The following SWT1 variants were observed in gnomAD, a reference collection of about 807,000 sequenced individuals.
SWT1 encodes the protein SWT1 RNA endoribonuclease homolog.
A neutral mutation model predicts 107.3 loss-of-function variants in SWT1; 33 were observed. The ratio of observed to expected loss-of-function variants is 0.31; its 90% CI spans 0.23 to 0.41. SWT1 has a LOEUF of 0.41. SWT1 is among the 10% of genes least tolerant of loss of function. The probability of loss-of-function intolerance (pLI) is 1.00; values close to 1 mark genes in which losing one functional copy is unlikely to be tolerated. For missense variants in SWT1, 898 were observed against 1,028.9 expected (o/e 0.87, Z 1.74); for synonymous variants, 345 against 348.3 (o/e 0.99, Z 0.11).
At chr1:185,159,221 G>A (rs1359588811) in intron 1 of SWT1, among the ~76,000 whole-genome samples, 1 of 152,190 alleles carries the variant, frequency 6.6e-6, no homozygotes, top group Non-Finnish European at 1.5e-5. Flanking sequence ...TACATTAAGT[G>A]CATGATTACC....
At chr1:185,238,377 T>G (rs1284497472) in intron 16 of SWT1, among the ~76,000 whole-genome samples, 1 of 152,200 alleles carries the variant, frequency 6.6e-6, no homozygotes, top group East Asian at 1.9e-4. Flanking sequence ...GTTACTATTG[T>G]GCTTTGAGAG....
intron 18 of SWT1, among the ~76,000 whole-genome samples, chr1:185,287,357 C>T (rs1052873387): frequency 6.6e-6 from 1 of 152,074 alleles, no homozygotes; most frequent in Non-Finnish European, 1.5e-5. Context: ...TCTCATGAAT[C>T]GCAGAACCAG....
intron 15 of SWT1, among the ~76,000 whole-genome samples, chr1:185,225,265 A>C (rs907831383): frequency 7.9e-5 from 12 of 152,164 alleles, no homozygotes; most frequent in African/African-American, 2.7e-4. Context: ...CCTGAGATGG[A>C]TCCCACTTGA....
Position 185,196,555 on chromosome 1 carries a change from A to C in SWT1, c.1523+5913A>C, listed in dbSNP as rs115182448. Among the ~76,000 whole-genome samples, 655 of 152,342 alleles carry C rather than the reference A, an allele frequency of 4.3e-3. 6 individuals carry two copies. Among genetic ancestry groups the C allele is most frequent in the African/African-American group, 0.015 (622 of 41,588 alleles). On this transcript the variant is annotated intron_variant, in intron 10 of 18. Coordinates refer to ENST00000367500, the MANE Select transcript of SWT1 (RefSeq NM_017673.7). ...TGGTAGCTTGATCAGGATAGCATTG[A>C]ATCAATAAATTACTTTGGGCATTGT...
intron 18 of SWT1, among the ~76,000 whole-genome samples, chr1:185,286,479 C>T (rs1664956127): frequency 6.6e-6 from 1 of 152,114 alleles, no homozygotes; most frequent in South Asian, 2.1e-4. Context: ...CCGCCTCAGC[C>T]TCCCAAAGTG....
At chr1:185,285,573 C>T (rs1343057809) in intron 18 of SWT1, among the ~76,000 whole-genome samples, 1 of 152,048 alleles carries the variant, frequency 6.6e-6, no homozygotes, top group Non-Finnish European at 1.5e-5. Context: ...TCTTGCATTG[C>T]CCATGCTTTT....
chr1:185,283,845 C>T (rs1664791210), intron 18 of SWT1, among the ~76,000 whole-genome samples: 1 of 152,182 alleles, frequency 6.6e-6, no homozygotes, highest in African/African-American at 2.4e-5. Context: ...CCATCACACA[C>T]ACACATATAT....
At chr1:185,233,948 G>A (rs762998272) in intron 16 of SWT1, among the ~76,000 whole-genome samples, 4 of 152,110 alleles carry the variant, frequency 2.6e-5, no homozygotes, top group African/African-American at 9.7e-5. Flanking sequence ...GTTTCACCAT[G>A]TTAGCAAGGA....
chr1:185,227,287 G>T, intron 15 of SWT1: 3 of 749,346 alleles, frequency 4.0e-6, no homozygotes, highest in South Asian at 2.7e-5. Flanking sequence ...GCACCTGGCT[G>T]ACCATCGGTG....
rs772680682 is a variant in SWT1, at chr1:185,166,620, A to G, written c.133A>G (p.Ile45Val). 15 of 1,604,698 alleles carry G rather than the reference A, an allele frequency of 9.3e-6. No individual in the cohort carries two copies. Among genetic ancestry groups the G allele is most frequent in the African/African-American group, 1.3e-5 (1 of 74,516 alleles). Residue 45 changes from isoleucine to valine, a missense_variant, in exon 3 of 19, where the codon ATA becomes GTA. Physicochemically the swap from Ile to Val is conservative, Grantham distance 29. Transcript: ENST00000367500. ...AGCAAGTTCTACTAGTTCATCTTCT[A>G]TAAGATCAGTTTCATCAGAAAAGAG... ...TPASSTSSSS[I>V]RSVSSEKRKL...
At chr1:185,232,305 G>A (rs938652268) in intron 16 of SWT1, among the ~76,000 whole-genome samples, 1 of 152,056 alleles carries the variant, frequency 6.6e-6, no homozygotes, top group African/African-American at 2.4e-5. Flanking sequence ...GGCTCCATAA[G>A]GGTGAACTAT....
chr1:185,162,765 A>G (rs1022007291), intron 2 of SWT1, among the ~76,000 whole-genome samples: 2 of 152,096 alleles, frequency 1.3e-5, no homozygotes, highest in South Asian at 4.1e-4. Context: ...ACATATAAAA[A>G]TTATGTTTAT....
intron 1 of SWT1, 132 bp from the exon 2 acceptor site, chr1:185,160,700 TC>T: frequency 1.6e-6 from 1 of 641,610 alleles, no homozygotes; most frequent in Non-Finnish European, 2.5e-6. Flanking sequence ...AGACTCCATC[TC>T]AAAAAAAAAT....
chr1:185,168,442 T>C (rs769472530), intron 4 of SWT1, 44 bp downstream of exon 4: 1 of 1,256,268 alleles, frequency 8.0e-7, no homozygotes, highest in Non-Finnish European at 1.1e-6. Flanking sequence ...TTTAGAATTA[T>C]GAGACTAAAT....
intron 13 of SWT1, among the ~76,000 whole-genome samples, chr1:185,208,497 A>G (rs1658508844): frequency 6.6e-6 from 1 of 152,200 alleles, no homozygotes; most frequent in Admixed American, 6.5e-5. Context: ...AAATAGCTGT[A>G]AGAGAATATT....
In SWT1 at chr1:185,194,664, A is replaced by G. The variant is rs75614245; in HGVS notation, c.1523+4022A>G. 6.0e-3 allele frequency among the ~76,000 whole-genome samples: 904 copies of G among 150,960 alleles called. 34 individuals carry two copies. The East Asian group carries it at 0.097, about 16-fold the overall frequency. On this transcript the variant is annotated intron_variant, in intron 10 of 18. Coordinates refer to ENST00000367500, the MANE Select transcript of SWT1 (RefSeq NM_017673.7). The stretch of plus-strand genomic sequence containing the variant: ...GTTTGTTGATTCTTTCCTTGCCTTT[A>G]TCAAATCTATTGACAAGCCTGTTCA...
intron 18 of SWT1, among the ~76,000 whole-genome samples, chr1:185,289,180 T>C (rs548603995): frequency 6.6e-6 from 1 of 152,358 alleles, no homozygotes; most frequent in African/African-American, 2.4e-5. Context: ...ATACATTCTT[T>C]GATATTTGAG....
chr1:185,180,741 T>G (rs1655953910), intron 6 of SWT1, among the ~76,000 whole-genome samples: 1 of 152,208 alleles, frequency 6.6e-6, no homozygotes, highest in Non-Finnish European at 1.5e-5. Flanking sequence ...CTTTCCCTGT[T>G]TATGCCTAGG....
At chr1:185,174,040 A>C (rs959262409) in intron 4 of SWT1, among the ~76,000 whole-genome samples, 1 of 152,134 alleles carries the variant, frequency 6.6e-6, no homozygotes, top group African/African-American at 2.4e-5. Flanking sequence ...GAAATCACAC[A>C]TACGTTCTGT....
Sources: gnomAD v4.1 joint callset for allele counts (sites outside exome capture counted in the v4.1 genomes callset) on GRCh38, gnomAD v4.1.1 for gene constraint, MANE v1.5 for transcripts, NCBI Gene and HGNC (gene_info 2026-07-23, HGNC 2026-07-21) for gene names.